The following DNAH17 variants were observed in gnomAD, a reference collection of about 807,000 sequenced individuals.
DNAH17 encodes the protein dynein axonemal heavy chain 17.
In DNAH17, 376 loss-of-function variants were observed where a neutral mutation model predicts 485.6. That is an observed-to-expected ratio of 0.77 (90% CI 0.71 to 0.84). The LOEUF is 0.84. Ranked by LOEUF, DNAH17 falls within the 40% of genes least tolerant of loss-of-function variation. DNAH17 has a pLI of 0.00. For missense variants in DNAH17, 6,370 were observed against 5,839.3 expected, an observed-to-expected ratio of 1.09 and a Z score of -2.96; for synonymous variants, 3,031 against 2,405.9, an observed-to-expected ratio of 1.26 and a Z score of -7.60.
intron 1 of DNAH17, among the ~76,000 whole-genome samples, chr17:78,576,664 G>A (rs1290620405): frequency 1.3e-5 from 2 of 152,192 alleles, no homozygotes; most frequent in African/African-American, 2.4e-5. Context: ...GTTCCTGATT[G>A]GAAGTCTCGC....
intron 21 of DNAH17, 145 bp downstream of exon 21, chr17:78,530,197 GT>G (rs2091193311): frequency 1.1e-6 from 1 of 905,586 alleles, no homozygotes; most frequent in South Asian, 1.8e-5. Flanking sequence ...CTCACGCTTG[GT>G]GGGGTAGTTG....
chr17:78,450,871 C>T (rs553396818), intron 66 of DNAH17, 25 bp from the exon 67 acceptor site: 1 of 1,611,376 alleles, frequency 6.2e-7, no homozygotes, highest in Non-Finnish European at 8.5e-7. Flanking sequence ...GCAGGAGTCA[C>T]TGCATTGCCT....
chr17:78,554,111 G>A (rs2091968042), intron 14 of DNAH17, among the ~76,000 whole-genome samples: 1 of 152,030 alleles, frequency 6.6e-6, no homozygotes, highest in African/African-American at 2.4e-5. Flanking sequence ...CTGAAGTTCA[G>A]TTATACAACA....
intron 56 of DNAH17, among the ~76,000 whole-genome samples, chr17:78,464,133 A>G (rs1281646367): frequency 6.6e-6 from 1 of 152,208 alleles, no homozygotes; most frequent in East Asian, 1.9e-4. Context: ...AAGAGATGGT[A>G]ATAAAGGGAG....
At chr17:78,539,949 G>T (rs2091476909) in intron 17 of DNAH17, 69 bp from the exon 18 acceptor site, 4 of 1,449,748 alleles carry the variant, frequency 2.8e-6, no homozygotes, top group East Asian at 5.1e-5. Flanking sequence ...ACACTGTTTA[G>T]TGCCTCTCTG....
chr17:78,519,010 T>C lies in DNAH17; in HGVS notation c.3865-3988A>G, dbSNP rs193014622. 7.0e-3 allele frequency among the ~76,000 whole-genome samples: 1,053 copies of C among 151,394 alleles called. 14 individuals are homozygous for C. Among genetic ancestry groups the C allele is most frequent in the African/African-American group, 0.024 (1,002 of 41,320 alleles). On this transcript the variant is annotated intron_variant, in intron 25 of 80. Transcript: ENST00000389840. ...GGTGAAACCCCGTCTCTACTAAAAA[T>C]ACAAAAAATTAGCCGGGCGTGGTGG...
Position 78,569,438 on chromosome 17 carries a change from A to G in DNAH17, c.1134T>C (p.Asn378=), listed in dbSNP as rs763388101. The G allele has an allele frequency of 4.3e-6, 7 of 1,612,366 alleles. No individual in the cohort carries two copies. The highest frequency in any genetic ancestry group is 8.5e-7 in the Non-Finnish European group (1 of 1,179,264). The part of the protein sequence containing the change: ...EVLSGISLAV[N]VLKELYQTYD... ...ACGTCTGGTAGAGCTCCTTCAGCAC[A>G]TTTACAGCCAGGGAGATGCCACTCA... Residue 378 remains asparagine (N), a synonymous_variant, in exon 8 of 81, where the codon AAT becomes AAC. Transcript: ENST00000389840.
intron 16 of DNAH17, among the ~76,000 whole-genome samples, chr17:78,549,268 G>T (rs967796700): frequency 6.6e-6 from 1 of 151,632 alleles, no homozygotes; most frequent in African/African-American, 2.4e-5. Context: ...AGCAGAGAAA[G>T]AGACACCAGA....
At position 78,506,716 on chromosome 17, in the gene DNAH17, C is replaced by A; in HGVS notation, c.4803+4G>T. 6.2e-7 allele frequency: 1 copy of A among 1,613,894 alleles called. No individual in the cohort carries two copies. Among genetic ancestry groups the A allele is most frequent in the African/African-American group, 1.3e-5 (1 of 75,034 alleles). ...AACACCGGAATGCAAGGGGCCCCGCCTACCTCCACGGGGTCATTGCCATTG... is the reference window on the plus strand; with the variant it reads ...AACACCGGAATGCAAGGGGCCCCGCATACCTCCACGGGGTCATTGCCATTG... On this transcript the variant is annotated splice_donor_region_variant and intron_variant, in intron 30 of 80. Transcript: ENST00000389840.
Position 78,424,164 on chromosome 17 carries a change from A to C in DNAH17, c.13142-11T>G, listed in dbSNP as rs2146392716. Reference sequence around the variant, plus strand: ...TGTCCCAGCGAGCCCCTGCAGGGACAGTATGGCTGAGGGTCAGGTGTGCTG... The same window carrying C: ...TGTCCCAGCGAGCCCCTGCAGGGACCGTATGGCTGAGGGTCAGGTGTGCTG... On this transcript the variant is annotated splice_polypyrimidine_tract_variant and intron_variant, in intron 80 of 80. Coordinates refer to ENST00000389840, the MANE Select transcript of DNAH17 (RefSeq NM_173628.4). 1.2e-6 allele frequency: 2 copies of C among 1,602,428 alleles called. No individual in the cohort carries two copies. Among genetic ancestry groups the C allele is most frequent in the Non-Finnish European group, 1.7e-6 (2 of 1,174,388 alleles).
chr17:78,452,875 G>A (rs1415167844), intron 65 of DNAH17, among the ~76,000 whole-genome samples: 1 of 152,252 alleles, frequency 6.6e-6, no homozygotes, highest in Non-Finnish European at 1.5e-5. Flanking sequence ...TAGGGCTCAG[G>A]AGGGAGGGGA....
intron 62 of DNAH17, among the ~76,000 whole-genome samples, 189 bp from the exon 63 acceptor site, chr17:78,456,025 C>T (rs554253016): frequency 2.0e-5 from 3 of 152,132 alleles, no homozygotes; most frequent in Non-Finnish European, 2.9e-5. Flanking sequence ...TGTGGCCGGG[C>T]GTGGTGGTCA....
intron 34 of DNAH17, 148 bp downstream of exon 34, chr17:78,501,594 G>T (rs936620831): frequency 2.5e-6 from 3 of 1,221,410 alleles, no homozygotes; most frequent in Non-Finnish European, 3.4e-6. Flanking sequence ...GTGAGTCCGG[G>T]CAAGGAGGTT....
intron 25 of DNAH17, among the ~76,000 whole-genome samples, chr17:78,519,307 TAG>T (rs1248881857): frequency 6.6e-6 from 1 of 151,154 alleles, no homozygotes; most frequent in Non-Finnish European, 1.5e-5. Context: ...GCAGCTAATG[TAG>T]AGAGGGAAAT....
At chr17:78,447,094 T>C (rs1012598236) in intron 69 of DNAH17, among the ~76,000 whole-genome samples, 1 of 152,184 alleles carries the variant, frequency 6.6e-6, no homozygotes, top group African/African-American at 2.4e-5. Context: ...GTACATCACC[T>C]CACCTAGCTA....
chr17:78,571,501 C>T (rs1172282741), intron 4 of DNAH17, 89 bp downstream of exon 4: 5 of 1,533,326 alleles, frequency 3.3e-6, no homozygotes, highest in Non-Finnish European at 4.5e-6. Context: ...CTCAGGACTC[C>T]TGGGAGGTTG....
chr17:78,500,964 T>G (rs2090266938), intron 35 of DNAH17: 3 of 441,428 alleles, frequency 6.8e-6, no homozygotes, highest in Non-Finnish European at 1.2e-5. Flanking sequence ...TGACCCCAAC[T>G]CAGCAGGCCC....
chr17:78,451,247 T>C (rs555517746), intron 66 of DNAH17, among the ~76,000 whole-genome samples: 1 of 152,302 alleles, frequency 6.6e-6, no homozygotes, highest in East Asian at 1.9e-4. Context: ...TCATGTGACT[T>C]AGAATTAAAT....
chr17:78,460,189 G>C lies in DNAH17; in HGVS notation c.9408C>G (p.Ala3136=). 1 of 1,608,918 alleles carries C rather than the reference G, an allele frequency of 6.2e-7. No individual in the cohort carries two copies. The highest frequency in any genetic ancestry group is 8.5e-7 in the Non-Finnish European group (1 of 1,177,294). ...LAKAEPALLA[A]QEALDTLNKN... ...TATTCAGAGTGTCCAGAGCCTCCTG[G>C]GCTGCCAGCAGGGCCGGTTCTGCTT... Residue 3136 remains alanine (A), a synonymous_variant, in exon 59 of 81, where the codon GCC becomes GCG. Coordinates refer to ENST00000389840, the MANE Select transcript of DNAH17 (RefSeq NM_173628.4).
Sources: allele counts gnomAD v4.1 joint callset (sites outside exome capture counted in the v4.1 genomes callset), GRCh38; gene constraint gnomAD v4.1.1; transcripts MANE v1.5; gene names NCBI Gene and HGNC (gene_info 2026-07-23, HGNC 2026-07-21).